PMM2: variants seen among roughly 807,000 people sequenced by gnomAD.
PMM2 encodes mannose-6-phosphate isomerase.
A neutral mutation model predicts 33.2 loss-of-function variants in PMM2; 35 were observed. The observed-to-expected ratio is 1.06, with a 90% confidence interval of 0.81 to 1.40. The LOEUF is 1.40. Ranked by LOEUF, PMM2 falls within the 40% of genes most tolerant of loss-of-function variation. The probability of loss-of-function intolerance (pLI) is 0.00; values close to 1 mark genes in which losing one functional copy is unlikely to be tolerated. For synonymous variants in PMM2, 153 were observed against 114.7 expected, an observed-to-expected ratio of 1.33 and a Z score of -2.13; for missense variants, 386 against 306.0, an observed-to-expected ratio of 1.26 and a Z score of -1.95.
rs1433032795 is a variant in PMM2 at position 8,811,673 on chromosome 16, A to G, written c.483A>G (p.Leu161=). 6.2e-7 allele frequency: 1 copy of G among 1,613,382 alleles called. No individual in the cohort carries two copies. The highest frequency in any genetic ancestry group is 8.5e-7 in the Non-Finnish European group (1 of 1,179,280). ...ENIRQKFVAD[L]RKEFAGKGLT... ...TAAGACAAAAGTTTGTAGCAGATCT[A>G]CGGAAAGAGTTTGCTGGAAAAGGCC... Residue 161 remains leucine (L), a synonymous_variant, in exon 6 of 8, where the codon CTA becomes CTG. Coordinates refer to ENST00000268261, the MANE Select transcript of PMM2 (RefSeq NM_000303.3).
rs188783370 is a variant in PMM2 at position 8,844,415 on chromosome 16, G to A, written c.640-3309G>A. Among the ~76,000 whole-genome samples the A allele has an allele frequency of 9.2e-5, 14 of 152,176 alleles. No individual in the cohort carries two copies. The East Asian group carries it at 2.5e-3, about 27-fold the overall frequency. ...ATAAGGGATTGGGGCACAGAGATAC[G>A]AGTTTGGGGTACTTGCCTCTCCCCC... On this transcript the variant is annotated intron_variant, in intron 7 of 7. Transcript: ENST00000268261.
At chr16:8,819,869 G>A (rs2060728194) in intron 7 of PMM2, among the ~76,000 whole-genome samples, 1 of 152,174 alleles carries the variant, frequency 6.6e-6, no homozygotes, top group Non-Finnish European at 1.5e-5. Flanking sequence ...ACAGTGGGAA[G>A]TCCAGGGTCT....
At chr16:8,831,259 C>A (rs1213710358) in intron 7 of PMM2, among the ~76,000 whole-genome samples, 1 of 152,272 alleles carries the variant, frequency 6.6e-6, no homozygotes, top group African/African-American at 2.4e-5. Context: ...CAGGCCAGAT[C>A]TCTTTCACTG....
chr16:8,847,643 A>C, intron 7 of PMM2, 81 bp from the exon 8 acceptor site: 1 of 991,852 alleles, frequency 1.0e-6, no homozygotes, highest in East Asian at 2.4e-5. Context: ...TTTTTTGGGT[A>C]CTTTTGGACT....
intron 7 of PMM2, among the ~76,000 whole-genome samples, chr16:8,841,542 GA>G: frequency 7.1e-6 from 1 of 140,634 alleles, no homozygotes; most frequent in East Asian, 2.1e-4. Flanking sequence ...GGAACACTGA[GA>G]AGTTATTTCC....
intron 7 of PMM2, among the ~76,000 whole-genome samples, chr16:8,814,658 C>G (rs1328721525): frequency 6.6e-6 from 1 of 152,208 alleles, no homozygotes; most frequent in East Asian, 1.9e-4. Flanking sequence ...AATGACAGAG[C>G]TGGTGGCACC....
chr16:8,821,662 C>G (rs1051262846), intron 7 of PMM2, among the ~76,000 whole-genome samples: 1 of 152,318 alleles, frequency 6.6e-6, no homozygotes, highest in African/African-American at 2.4e-5. Flanking sequence ...TGCTCAGAGC[C>G]GTCAACAGAC....
chr16:8,809,869 G>A (rs1477319851), intron 4 of PMM2: 3 of 151,946 alleles, frequency 2.0e-5, no homozygotes, highest in African/African-American at 7.3e-5. Flanking sequence ...GTAGTGCAGT[G>A]GTACGATCTT....
intron 7 of PMM2, among the ~76,000 whole-genome samples, chr16:8,844,078 A>G (rs931187908): frequency 6.6e-5 from 10 of 152,206 alleles, no homozygotes; most frequent in African/African-American, 2.2e-4. Flanking sequence ...GACAAGAATT[A>G]TTTAGATCTT....
chr16:8,822,742 G>C (rs1278528242), intron 7 of PMM2, among the ~76,000 whole-genome samples: 1 of 152,180 alleles, frequency 6.6e-6, no homozygotes, highest in Non-Finnish European at 1.5e-5. Context: ...GCGTAGTCAG[G>C]GTAGGTGTTG....
intron 7 of PMM2, among the ~76,000 whole-genome samples, chr16:8,831,151 A>T (rs2060807351): frequency 6.6e-6 from 1 of 152,206 alleles, no homozygotes; most frequent in Admixed American, 6.5e-5. Flanking sequence ...AAACAAAAAA[A>T]ACAAAGTTGA....
At position 8,847,781 on chromosome 16, in the gene PMM2, G is replaced by A. The variant is rs2060937559; in HGVS notation, c.697G>A (p.Ala233Thr). The change falls in exon 8 of 8, where the codon GCG becomes ACG. Residue 233 changes from alanine (A) to threonine (T), a missense_variant. Physicochemically the swap from Ala to Thr is moderately conservative, Grantham distance 58. Coordinates refer to ENST00000268261, the MANE Select transcript of PMM2 (RefSeq NM_000303.3). ...CAGAACCATGGGCTACTCCGTGACA[G>A]CGCCTGAGGACACGCGCAGGATCTG... ...DPRTMGYSVT[A>T]PEDTRRICEL... 1.2e-6 allele frequency: 2 copies of A among 1,613,990 alleles called. No homozygotes were observed. The highest frequency in any genetic ancestry group is 1.7e-6 in the Non-Finnish European group (2 of 1,179,942).
chr16:8,846,734 G>C (rs1487072323), intron 7 of PMM2, among the ~76,000 whole-genome samples: 2 of 152,206 alleles, frequency 1.3e-5, no homozygotes, highest in Non-Finnish European at 2.9e-5. Flanking sequence ...CTTCCATCAT[G>C]ACCCCATTTT....
intron 7 of PMM2, 33 bp from the exon 8 acceptor site, chr16:8,847,691 G>C (rs781148822): frequency 6.6e-7 from 1 of 1,511,136 alleles, no homozygotes. Context: ...ACAGACGAGG[G>C]GGAGCCTTCA....
chr16:8,847,152 C>A (rs2060931321), intron 7 of PMM2, among the ~76,000 whole-genome samples: 1 of 152,168 alleles, frequency 6.6e-6, no homozygotes. Context: ...GCATGAGCCA[C>A]CATGCCCGGC....
chr16:8,836,557 T>C (rs1164336748), intron 7 of PMM2, among the ~76,000 whole-genome samples: 1 of 152,084 alleles, frequency 6.6e-6, no homozygotes, highest in Non-Finnish European at 1.5e-5. Context: ...GTGCTGGAGA[T>C]GTGGCTGGGG....
intron 2 of PMM2, chr16:8,802,324 G>A (rs1270524001): frequency 6.6e-6 from 3 of 455,920 alleles, no homozygotes; most frequent in South Asian, 3.1e-5. Context: ...AACCAGAGAG[G>A]CTTATTGACC....
intron 7 of PMM2, 70 bp downstream of exon 7, chr16:8,813,176 C>T: frequency 1.0e-6 from 1 of 960,752 alleles, no homozygotes; most frequent in South Asian, 1.3e-5. Flanking sequence ...GACAACTGGG[C>T]TGTTTTTCCT....
chr16:8,828,690 G>A (rs891928166), intron 7 of PMM2, among the ~76,000 whole-genome samples: 2 of 152,186 alleles, frequency 1.3e-5, no homozygotes, highest in African/African-American at 4.8e-5. Flanking sequence ...AGCAAAGTTT[G>A]GAACTGACCA....
Sources: gnomAD v4.1 joint callset for allele counts (sites outside exome capture counted in the v4.1 genomes callset) on GRCh38, gnomAD v4.1.1 for gene constraint, MANE v1.5 for transcripts, NCBI Gene and HGNC (gene_info 2026-07-23, HGNC 2026-07-21) for gene names.